The following CHEK1 variants were observed in gnomAD, a reference collection of about 807,000 sequenced individuals.
CHEK1 encodes the protein checkpoint kinase 1, also known as serine/threonine-protein kinase Chk1.
A neutral mutation model predicts 60.2 loss-of-function variants in CHEK1; 32 were observed. The observed-to-expected ratio is 0.53, with a 90% CI of 0.40 to 0.71. CHEK1 has a LOEUF of 0.71. Ranked by LOEUF, CHEK1 falls within the 30% of genes least tolerant of loss-of-function variation. CHEK1 has a pLI of 0.00. For missense variants in CHEK1, 399 were observed against 564.6 expected, an observed-to-expected ratio of 0.71 and a Z score of 2.97; for synonymous variants, 179 against 187.2, an observed-to-expected ratio of 0.96 and a Z score of 0.36.
downstream of CHEK1, chr11:125,657,154 A>G (rs1478820937): frequency 5.8e-6 from 1 of 171,368 alleles, no homozygotes; most frequent in Non-Finnish European, 1.3e-5. Flanking sequence ...TGAAGATAAC[A>G]GTTCAAATTT....
rs1941037925 is a variant in CHEK1, at chr11:125,635,509, A to G, written c.694A>G (p.Lys232Glu). 9 of 1,603,668 alleles carry G rather than the reference A, an allele frequency of 5.6e-6. No homozygotes were observed. The highest frequency in any genetic ancestry group is 2.7e-5 in the African/African-American group (2 of 74,428). Reference protein sequence around the residue: ...KEKKTYLNPWKKIDSAPLALL... With the variant: ...KEKKTYLNPWEKIDSAPLALL... ...AAAAAAAACATACCTCAACCCTTGGAAAAAAATCGATTCTGCTCCTCTAGG... is the reference window on the plus strand; with the variant it reads ...AAAAAAAACATACCTCAACCCTTGGGAAAAAATCGATTCTGCTCCTCTAGG... Residue 232 changes from lysine (K) to glutamate (E), a missense_variant, in exon 7 of 13, where the codon AAA becomes GAA. Transcript: ENST00000438015.
chr11:125,627,585 T>C (rs1387680247), intron 2 of CHEK1, 22 bp from the exon 3 acceptor site: 1 of 1,579,766 alleles, frequency 6.3e-7, no homozygotes, highest in Admixed American at 1.8e-5. Flanking sequence ...TTCTGTAATG[T>C]TAAAACTCTT....
At chr11:125,654,609 T>C (rs961599807) in intron 12 of CHEK1, among the ~76,000 whole-genome samples, 1 of 152,154 alleles carries the variant, frequency 6.6e-6, no homozygotes, top group Non-Finnish European at 1.5e-5. Context: ...GATTCTAAGA[T>C]GATAGTATTA....
chr11:125,669,895 GTTTTTCACCCAATTTGGCAAAA>G (rs1223596304), intron 13 of CHEK1, among the ~76,000 whole-genome samples: 1 of 151,640 alleles, frequency 6.6e-6, no homozygotes, highest in Non-Finnish European at 1.5e-5. Context: ...ATAAGTTTAT[GTTTTTCACCCAATTTGGCAAAA>G]TTTAGTTATT....
chr11:125,662,138 A>G (rs976536099), downstream of CHEK1, among the ~76,000 whole-genome samples: 1 of 152,244 alleles, frequency 6.6e-6, no homozygotes, highest in Non-Finnish European at 1.5e-5. Flanking sequence ...CTTCTAGAAC[A>G]AAAACACTGT....
At chr11:125,649,046 G>A (rs1941611290) in intron 11 of CHEK1, among the ~76,000 whole-genome samples, 1 of 152,002 alleles carries the variant, frequency 6.6e-6, no homozygotes, top group African/African-American at 2.4e-5. Flanking sequence ...TGACCTTCTG[G>A]GCTCAAGTGA....
chr11:125,644,160 C>T lies in CHEK1; in HGVS notation c.993C>T (p.Ser331=), dbSNP rs2136028076. Residue 331 remains serine (S), a synonymous_variant, in exon 10 of 13, where the codon AGC becomes AGT. Coordinates refer to ENST00000438015, the MANE Select transcript of CHEK1 (RefSeq NM_001114122.3). ...PRTGLSLWDT[S]PSYIDKLVQG... ...CAGGTCTTTCCTTATGGGATACCAG[C>T]CCCTCATACATTGATAAATTGGTAC... is the stretch of plus-strand genomic sequence containing the variant. The T allele has an allele frequency of 6.2e-7, 1 of 1,614,130 alleles. No homozygotes were observed. The highest frequency in any genetic ancestry group is 8.5e-7 in the Non-Finnish European group (1 of 1,180,008).
chr11:125,629,182 T>C, intron 3 of CHEK1, 50 bp from the exon 4 acceptor site: 1 of 1,558,136 alleles, frequency 6.4e-7, no homozygotes, highest in South Asian at 1.1e-5. Context: ...GCTATGTGGT[T>C]GCTACCTGAT....
At chr11:125,660,905 A>ATC (rs1942001213), downstream of CHEK1, among the ~76,000 whole-genome samples, 1 of 151,998 alleles carries the variant, frequency 6.6e-6, no homozygotes, top group South Asian at 2.1e-4. Flanking sequence ...CCTCCCGAGT[A>ATC]GCTGGGATTA....
At chr11:125,674,514 A>G (rs563808311) in intron 13 of CHEK1, among the ~76,000 whole-genome samples, 1 of 152,336 alleles carries the variant, frequency 6.6e-6, no homozygotes, top group African/African-American at 2.4e-5. Context: ...GAGTGTAAAC[A>G]GGGATGCAGA....
Position 125,641,388 on chromosome 11 carries a change from A to T in CHEK1, c.815-2404A>T, listed in dbSNP as rs187631831. On this transcript the variant is annotated intron_variant, in intron 8 of 12. Transcript: ENST00000438015. ...GAGTTCTCCAGGGCTGAATCTATGGATCTCCTTTGTTTTCTTCTCCACACT... is the reference window on the plus strand; with the variant it reads ...GAGTTCTCCAGGGCTGAATCTATGGTTCTCCTTTGTTTTCTTCTCCACACT... Among the ~76,000 whole-genome samples, 381 of 150,352 alleles carry T rather than the reference A, an allele frequency of 2.5e-3. 1 individual carries two copies. Among genetic ancestry groups the T allele is most frequent in the African/African-American group, 7.7e-3 (314 of 40,844 alleles).
At chr11:125,633,473 C>T in intron 6 of CHEK1, 122 bp downstream of exon 6, 2 of 861,548 alleles carry the variant, frequency 2.3e-6, no homozygotes, top group Non-Finnish European at 3.2e-6. Context: ...TTTTAAGAGA[C>T]AGGGTCTCAC....
At chr11:125,626,717 C>A in intron 1 of CHEK1, 32 bp from the exon 2 acceptor site, 2 of 1,605,306 alleles carry the variant, frequency 1.2e-6, no homozygotes, top group Non-Finnish European at 1.7e-6. Context: ...ATCTTACACT[C>A]TACATCTTTT....
intron 12 of CHEK1, among the ~76,000 whole-genome samples, chr11:125,654,384 A>C (rs1941836005): frequency 6.6e-6 from 1 of 152,158 alleles, no homozygotes; most frequent in Admixed American, 6.5e-5. Context: ...AAAAAATGAG[A>C]AAATAAAAAT....
chr11:125,662,495 T>C (rs1387184751), intron 13 of CHEK1, among the ~76,000 whole-genome samples: 1 of 152,214 alleles, frequency 6.6e-6, no homozygotes, highest in Non-Finnish European at 1.5e-5. Flanking sequence ...TAAAATCACA[T>C]AGTATTGTAC....
At chr11:125,640,993 T>G (rs1288924117) in intron 8 of CHEK1, among the ~76,000 whole-genome samples, 2 of 152,170 alleles carry the variant, frequency 1.3e-5, no homozygotes, top group African/African-American at 4.8e-5. Context: ...CTACTTCATC[T>G]CACTTGGGAT....
chr11:125,638,440 C>T (rs543694280), intron 8 of CHEK1, among the ~76,000 whole-genome samples: 2 of 152,178 alleles, frequency 1.3e-5, no homozygotes, highest in East Asian at 3.9e-4. Flanking sequence ...AGGACAATGA[C>T]TAGAGATGAT....
At position 125,635,490 on chromosome 11, in the gene CHEK1, A is replaced by C; in HGVS notation, c.675A>C (p.Lys225Asn). Residue 225 changes from lysine to asparagine, a missense_variant, in exon 7 of 13, where the codon AAA becomes AAC. Transcript: ENST00000438015. ...CQEYSDWKEK[K>N]TYLNPWKKID... Reference sequence around the variant, plus strand: ...AGTATTCTGACTGGAAAGAAAAAAAAACATACCTCAACCCTTGGAAAAAAA... The same window carrying C: ...AGTATTCTGACTGGAAAGAAAAAAACACATACCTCAACCCTTGGAAAAAAA... The C allele has an allele frequency of 6.2e-7, 1 of 1,609,770 alleles. No individual in the cohort carries two copies. The highest frequency in any genetic ancestry group is 8.5e-7 in the Non-Finnish European group (1 of 1,178,230).
At chr11:125,648,224 T>G (rs773494601) in intron 11 of CHEK1, among the ~76,000 whole-genome samples, 3 of 152,126 alleles carry the variant, frequency 2.0e-5, no homozygotes, top group Non-Finnish European at 2.9e-5. Context: ...ATCCTGAAAA[T>G]TTGCTGAATT....
Sources: gnomAD v4.1 joint callset for allele counts (sites outside exome capture counted in the v4.1 genomes callset) on GRCh38, gnomAD v4.1.1 for gene constraint, MANE v1.5 for transcripts, NCBI Gene and HGNC (gene_info 2026-07-23, HGNC 2026-07-21) for gene names.